Variants in AHR observed in about 807,000 individuals in gnomAD.
The protein encoded by AHR is aryl hydrocarbon receptor.
A neutral mutation model predicts 86.8 loss-of-function variants in AHR; 40 were observed. The ratio of observed to expected loss-of-function variants is 0.46; its 90% CI spans 0.36 to 0.60. AHR has a LOEUF of 0.60. Among genes scored for constraint, AHR ranks in the 20% least tolerant of loss-of-function variants. The pLI is 0.00. For missense variants in AHR, 1,001 were observed against 1,011.6 expected (o/e 0.99, Z 0.14); for synonymous variants, 398 against 354.9 (o/e 1.12, Z -1.37).
rs532005884 is a variant in AHR at position 17,330,648 on chromosome 7, T to A, written c.575-108T>A. On this transcript the variant is annotated intron_variant, in intron 5 of 10. Transcript: ENST00000242057. ...CTCTTTTGAAAATGATTTTTTTGTA[T>A]TCAGAACACAGACTCCAGTTTAGAA... The A allele has an allele frequency of 1.2e-3, 1,207 of 988,494 alleles. 3 individuals are homozygous for A. The highest frequency in any genetic ancestry group is 4.7e-3 in the South Asian group (138 of 29,314). 61.2% of individuals were successfully genotyped at this position (988,494 alleles called of 1,614,324 possible). A position where few individuals can be genotyped will look rare whatever the true frequency, so the allele number is the denominator to read the frequency against.
intron 3 of AHR, among the ~76,000 whole-genome samples, chr7:17,324,373 A>G (rs772103359): frequency 2.6e-5 from 4 of 152,214 alleles, no homozygotes; most frequent in Non-Finnish European, 5.9e-5. Flanking sequence ...TTATATTGCA[A>G]CCGACGGTTA....
At chr7:17,324,457 G>A (rs1200549428) in intron 3 of AHR, among the ~76,000 whole-genome samples, 1 of 152,162 alleles carries the variant, frequency 6.6e-6, no homozygotes, top group Non-Finnish European at 1.5e-5. Context: ...AACTTTTGAG[G>A]AGAAATATTT....
intron 6 of AHR, among the ~76,000 whole-genome samples, chr7:17,332,796 C>T (rs1782314465): frequency 6.6e-6 from 1 of 151,786 alleles, no homozygotes; most frequent in South Asian, 2.1e-4. Context: ...TTCAGCGTAG[C>T]CTAAGTGTAT....
At chr7:17,329,470 G>T (rs1782263346) in intron 4 of AHR, among the ~76,000 whole-genome samples, 1 of 151,852 alleles carries the variant, frequency 6.6e-6, no homozygotes, top group Admixed American at 6.6e-5. Flanking sequence ...TATGGTAAAG[G>T]CACAATCCCT....
chr7:17,337,967 A>AG (rs1053514228), intron 9 of AHR, among the ~76,000 whole-genome samples: 1 of 151,188 alleles, frequency 6.6e-6, no homozygotes, highest in African/African-American at 2.4e-5. Flanking sequence ...CTATTGCCCG[A>AG]GGCGGGCGGA....
chr7:17,318,871 A>G (rs1782142317), intron 2 of AHR, among the ~76,000 whole-genome samples: 1 of 152,148 alleles, frequency 6.6e-6, no homozygotes, highest in Non-Finnish European at 1.5e-5. Context: ...AGAAAATGTT[A>G]TTAAGAAAAT....
intron 4 of AHR, among the ~76,000 whole-genome samples, chr7:17,329,071 A>AT (rs1323894221): frequency 1.3e-5 from 2 of 151,806 alleles, no homozygotes; most frequent in African/African-American, 4.8e-5. Context: ...TTTCCAATCC[A>AT]TTTTTTTCTC....
At position 17,310,077 on chromosome 7, in the gene AHR, T is replaced by G; in HGVS notation, c.207T>G (p.Val69=). ...TTAATAAGTTGGACAAACTTTCAGT[T>G]CTTAGGCTCAGCGTCAGTTACCTGA... ...DVINKLDKLS[V]LRLSVSYLRA... Residue 69 remains valine (V), a synonymous_variant, in exon 2 of 11, where the codon GTT becomes GTG. Transcript: ENST00000242057. 1 of 1,614,060 alleles carries G rather than the reference T, an allele frequency of 6.2e-7. No homozygotes were observed. The highest frequency in any genetic ancestry group is 2.2e-5 in the East Asian group (1 of 44,870).
intron 6 of AHR, 48 bp downstream of exon 6, chr7:17,330,934 A>C: frequency 6.3e-7 from 1 of 1,576,538 alleles, no homozygotes; most frequent in Non-Finnish European, 8.6e-7. Context: ...TGTTACAATA[A>C]AAGCTTGAGG....
chr7:17,329,128 G>A lies in AHR; in HGVS notation c.451-824G>A, dbSNP rs147659084. On this transcript the variant is annotated intron_variant, in intron 4 of 10. Transcript: ENST00000242057. Reference sequence around the variant, plus strand: ...TCCTAAAAGAATATTCATATCTGACGCAAGTGGTAGATTAAGACACCATTT... The same window carrying A: ...TCCTAAAAGAATATTCATATCTGACACAAGTGGTAGATTAAGACACCATTT... Among the ~76,000 whole-genome samples the A allele has an allele frequency of 2.5e-4, 38 of 151,840 alleles. No homozygotes were observed. In the East Asian group the frequency reaches 5.8e-3, roughly 23 times the overall value.
chr7:17,307,520 T>C (rs1584029788), intron 1 of AHR, among the ~76,000 whole-genome samples: 1 of 152,146 alleles, frequency 6.6e-6, no homozygotes, highest in Non-Finnish European at 1.5e-5. Flanking sequence ...GTTGTAACTG[T>C]AAGTAATTTC....
At chr7:17,334,817 T>TTTA in intron 7 of AHR, 70 bp from the exon 8 acceptor site, 1 of 1,113,390 alleles carries the variant, frequency 9.0e-7, no homozygotes, top group Non-Finnish European at 1.3e-6. Flanking sequence ...AACCAATGAA[T>TTTA]TTATCTTGGT....
rs78843141 is a variant in AHR, at chr7:17,306,990, A to G, written c.66-2946A>G. 2.6e-3 allele frequency among the ~76,000 whole-genome samples: 389 copies of G among 152,296 alleles called. 2 individuals carry two copies. Among genetic ancestry groups the G allele is most frequent in the African/African-American group, 8.9e-3 (368 of 41,564 alleles). On this transcript the variant is annotated intron_variant, in intron 1 of 10. Transcript: ENST00000242057. ...GGTGTTAGGCAAACAAGTATAAGCA[A>G]TTATGTTACTTGACAATGGAAATTT...
intron 8 of AHR, among the ~76,000 whole-genome samples, 173 bp from the exon 9 acceptor site, chr7:17,335,472 A>C (rs1453728381): frequency 6.6e-6 from 1 of 152,050 alleles, no homozygotes; most frequent in African/African-American, 2.4e-5. Flanking sequence ...ATAAATTTAA[A>C]ACAACTCTGA....
Position 17,330,026 on chromosome 7 carries a change from C to G in AHR, c.525C>G (p.His175Gln). Residue 175 changes from histidine to glutamine, a missense_variant, in exon 5 of 11, where the codon CAC becomes CAG. His to Gln is a conservative substitution (Grantham distance 24). This residue lies in a region of AHR where 394 missense variants were observed against 468.5 expected (regional missense o/e 0.84). Coordinates refer to ENST00000242057, the MANE Select transcript of AHR (RefSeq NM_001621.5). ...GAGCTGAATTTCAGCGTCAGCTACA[C>G]TGGGCATTAAATCCTTCTCAGTGTA... ...EDRAEFQRQL[H>Q]WALNPSQCTE... 6.2e-7 allele frequency: 1 copy of G among 1,611,432 alleles called. No individual in the cohort carries two copies. Among genetic ancestry groups the G allele is most frequent in the Non-Finnish European group, 8.5e-7 (1 of 1,178,066 alleles).
At chr7:17,340,517 A>G (rs994443161) in intron 10 of AHR, among the ~76,000 whole-genome samples, 2 of 152,148 alleles carry the variant, frequency 1.3e-5, no homozygotes, top group Admixed American at 6.5e-5. Flanking sequence ...AGGTGAAATT[A>G]GTTTTTAGAA....
chr7:17,325,079 G>A (rs1782214398), intron 3 of AHR, among the ~76,000 whole-genome samples: 1 of 152,096 alleles, frequency 6.6e-6, no homozygotes, highest in African/African-American at 2.4e-5. Flanking sequence ...TTTTCAGATA[G>A]GTTGAGTGAA....
chr7:17,344,526 T>C lies in AHR; in HGVS notation c.*1462T>C, dbSNP rs1251598764. 6.5e-6 allele frequency: 1 copy of C among 152,708 alleles called. No individual in the cohort carries two copies. Among genetic ancestry groups the C allele is most frequent in the Admixed American group, 6.5e-5 (1 of 15,284 alleles). The allele number at this position is 152,708 out of a possible 1,614,324, so 9.5% of individuals were successfully genotyped here. A position where few individuals can be genotyped will look rare whatever the true frequency, so the allele number is the denominator to read the frequency against. Reference sequence around the variant, plus strand: ...CGTTTACCTTCAAACTTTAGGTTTTTTTAATGATATACTGATCTTCATTAC... The same window carrying C: ...CGTTTACCTTCAAACTTTAGGTTTTCTTAATGATATACTGATCTTCATTAC... On this transcript the variant is annotated 3_prime_UTR_variant, in exon 11 of 11. Coordinates refer to ENST00000242057, the MANE Select transcript of AHR (RefSeq NM_001621.5).
chr7:17,330,210 GC>G lies in AHR; in HGVS notation c.574+137del, dbSNP rs369800258. ...AAAGATGTAAAGTCTGCAATCATAG[GC>G]CACAGCTAGGTCACAAAGAGCCTGA... On this transcript the variant is annotated intron_variant, in intron 5 of 10. Coordinates refer to ENST00000242057, the MANE Select transcript of AHR (RefSeq NM_001621.5). 1.1e-3 allele frequency: 886 copies of G among 838,856 alleles called. 8 individuals carry two copies. In the African/African-American group the frequency reaches 0.013, roughly 12 times the overall value. The allele number at this position is 838,856 out of a possible 1,614,324, so 52.0% of individuals were successfully genotyped here.
Sources: allele counts gnomAD v4.1 joint callset (sites outside exome capture counted in the v4.1 genomes callset), GRCh38; gene constraint gnomAD v4.1.1; regional missense constraint gnomAD v4.1.1; transcripts MANE v1.5; gene names NCBI Gene and HGNC (gene_info 2026-07-23, HGNC 2026-07-21).